NEBL: variants seen among roughly 807,000 people sequenced by gnomAD.
NEBL encodes nebulette.
In NEBL, 122 loss-of-function variants were observed where a neutral mutation model predicts 140.2. That is an observed-to-expected ratio of 0.87 (90% CI 0.75 to 1.01). The LOEUF is 1.01. NEBL is among the 50% of genes least tolerant of loss of function. NEBL has a pLI of 0.00. For synonymous variants in NEBL, 436 were observed against 398.9 expected (o/e 1.09, Z -1.11); for missense variants, 1,365 against 1,231.3 (o/e 1.11, Z -1.62).
chr10:20,927,731 G>A (rs1819396697), intron 4 of NEBL, among the ~76,000 whole-genome samples: 1 of 152,182 alleles, frequency 6.6e-6, no homozygotes, highest in Non-Finnish European at 1.5e-5. Context: ...GCCTGTGGCA[G>A]CCAGACAGCC....
At chr10:20,942,746 AAAAC>A (rs1413606821) in intron 4 of NEBL, among the ~76,000 whole-genome samples, 5 of 152,344 alleles carry the variant, frequency 3.3e-5, no homozygotes, top group African/African-American at 1.2e-4. Flanking sequence ...GTACAAGAAA[AAAAC>A]AAACAACCCC....
upstream of NEBL, among the ~76,000 whole-genome samples, chr10:21,178,828 G>A (rs1308349011): frequency 1.3e-5 from 2 of 152,150 alleles, no homozygotes; most frequent in African/African-American, 4.8e-5. Flanking sequence ...CTCGGAAAGA[G>A]GAAAAAAGAA....
At chr10:21,005,817 A>G (rs1334112736) in intron 3 of NEBL, among the ~76,000 whole-genome samples, 2 of 151,986 alleles carry the variant, frequency 1.3e-5, no homozygotes, top group African/African-American at 4.8e-5. Context: ...GATACAATGA[A>G]TTACTGACAT....
Position 20,858,237 on chromosome 10 carries a change from T to A in NEBL, c.903+3A>T, listed in dbSNP as rs1843291642. The A allele has an allele frequency of 1.3e-6, 2 of 1,593,588 alleles. No individual in the cohort carries two copies. The highest frequency in any genetic ancestry group is 3.3e-5 in the Admixed American group (2 of 59,980). On this transcript the variant is annotated splice_donor_region_variant and intron_variant, in intron 9 of 27. Coordinates refer to ENST00000377122, the MANE Select transcript of NEBL (RefSeq NM_006393.3). Reference sequence around the variant, plus strand: ...TACGGTTGCCGCTAGATGAACCACTTACGCCGCTGAGCATTTTGCTGGCTT... The same window carrying A: ...TACGGTTGCCGCTAGATGAACCACTAACGCCGCTGAGCATTTTGCTGGCTT...
intron 2 of NEBL, among the ~76,000 whole-genome samples, chr10:21,132,671 T>C (rs1187558688): frequency 6.6e-6 from 1 of 152,238 alleles, no homozygotes; most frequent in Admixed American, 6.5e-5. Context: ...TTTTTCACTA[T>C]GTCCATTCTA....
At position 20,997,180 on chromosome 10, in the gene NEBL, A is replaced by AACTC. The variant is rs554944567; in HGVS notation, c.249+22933_249+22936dup. 2.5e-3 allele frequency among the ~76,000 whole-genome samples: 381 copies of AACTC among 152,226 alleles called. 1 individual carries two copies. The highest frequency in any genetic ancestry group is 6.2e-3 in the African/African-American group (258 of 41,520). On this transcript the variant is annotated intron_variant, in intron 3 of 6. Coordinates refer to the NEBL transcript ENST00000417816. Reference sequence around the variant, plus strand: ...GCCAAACTCTTTAATCCTAATCCTGAACTCACTCACTCACTCACTCAATCC... The same window carrying AACTC: ...GCCAAACTCTTTAATCCTAATCCTGAACTCACTCACTCACTCACTCACTCAATCC...
intron 4 of NEBL, among the ~76,000 whole-genome samples, chr10:20,958,187 T>C (rs1835892897): frequency 6.6e-6 from 1 of 152,212 alleles, no homozygotes; most frequent in Admixed American, 6.5e-5. Context: ...TTTAATGCCC[T>C]TGGGCACAGT....
chr10:21,186,130 T>C (rs1841466140), intron 3 of NEBL, among the ~76,000 whole-genome samples: 2 of 152,304 alleles, frequency 1.3e-5, no homozygotes, highest in South Asian at 4.1e-4. Context: ...CTTCAGGTGA[T>C]ACTAAGGCAC....
At chr10:21,071,327 CA>C (rs1345490129) in intron 2 of NEBL, among the ~76,000 whole-genome samples, 1 of 151,796 alleles carries the variant, frequency 6.6e-6, no homozygotes, top group Non-Finnish European at 1.5e-5. Context: ...TTACCACCCA[CA>C]AAACCCAAAA....
At chr10:20,939,409 T>A (rs1289308185) in intron 4 of NEBL, among the ~76,000 whole-genome samples, 1 of 152,166 alleles carries the variant, frequency 6.6e-6, no homozygotes, top group Admixed American at 6.5e-5. Flanking sequence ...CCACCAAGCC[T>A]GCCCTAAAAG....
At position 21,158,410 on chromosome 10, in the gene NEBL, A is replaced by G. The variant is rs80087960; in HGVS notation, c.164+13973T>C. On this transcript the variant is annotated intron_variant, in intron 2 of 6. Transcript: ENST00000417816. ...GATTATCTTATTTATCCTTGCAGTA[A>G]CCAGAAGAGGTAGCAAATACTATTA... 2.2e-3 allele frequency among the ~76,000 whole-genome samples: 339 copies of G among 152,308 alleles called. 13 individuals carry two copies. The East Asian group carries it at 0.058, about 26-fold the overall frequency.
chr10:21,267,651 C>G (rs1357300079), intron 1 of NEBL, among the ~76,000 whole-genome samples: 1 of 152,126 alleles, frequency 6.6e-6, no homozygotes, highest in Admixed American at 6.5e-5. Flanking sequence ...ACAGTGTGGT[C>G]TCAATGGAAG....
intron 3 of NEBL, among the ~76,000 whole-genome samples, chr10:21,243,355 G>A (rs1163496903): frequency 6.9e-6 from 1 of 145,788 alleles, no homozygotes; most frequent in African/African-American, 2.6e-5. Flanking sequence ...CGCCTAGACT[G>A]GAGTGCAGTG....
At chr10:20,869,013 T>G (rs1167133104) in intron 6 of NEBL, among the ~76,000 whole-genome samples, 1 of 152,198 alleles carries the variant, frequency 6.6e-6, no homozygotes, top group East Asian at 1.9e-4. Context: ...ATCATCATGT[T>G]TGTAATTATA....
intron 3 of NEBL, among the ~76,000 whole-genome samples, chr10:21,210,445 T>G (rs1281872086): frequency 6.6e-6 from 1 of 152,112 alleles, no homozygotes; most frequent in Non-Finnish European, 1.5e-5. Context: ...AACTCTCCAG[T>G]CCAATACATA....
Position 20,929,818 on chromosome 10 carries a change from G to A in NEBL, c.357+31854C>T, listed in dbSNP as rs1834094798. ...AGTACAGGGTATACTAATGAGTACA[G>A]TGTATACTATTGGGGTGACAGTTAC... is the stretch of plus-strand genomic sequence containing the variant. On this transcript the variant is annotated intron_variant, in intron 4 of 6. Transcript: ENST00000417816. Among the ~76,000 whole-genome samples the A allele has an allele frequency of 2.0e-5, 3 of 152,182 alleles. 1 individual carries two copies. In the South Asian group the frequency reaches 6.2e-4, roughly 32 times the overall value.
chr10:21,090,087 T>C (rs995061418), intron 2 of NEBL, among the ~76,000 whole-genome samples: 51 of 152,272 alleles, frequency 3.3e-4, no homozygotes, highest in African/African-American at 1.2e-3. Context: ...CAAAGGCATC[T>C]TCCAGGTGCA....
chr10:20,785,503 T>G lies in NEBL; in HGVS notation c.*244A>C. The stretch of plus-strand genomic sequence containing the variant: ...TTCAATAGCCAATCAAAGGAAACCA[T>G]GAACACAATTAGCAGCACCAGGTGT... On this transcript the variant is annotated 3_prime_UTR_variant, in exon 28 of 28. Coordinates refer to ENST00000377122, the MANE Select transcript of NEBL (RefSeq NM_006393.3). The G allele has an allele frequency of 1.8e-6, 1 of 541,548 alleles. No homozygotes were observed. Among genetic ancestry groups the G allele is most frequent in the East Asian group, 3.3e-5 (1 of 30,198 alleles). The allele number at this position is 541,548 out of a possible 1,614,324, so 33.5% of individuals were successfully genotyped here.
At chr10:21,016,830 G>A (rs946099909) in intron 3 of NEBL, among the ~76,000 whole-genome samples, 24 of 152,106 alleles carry the variant, frequency 1.6e-4, no homozygotes, top group African/African-American at 5.6e-4. Flanking sequence ...CCATTACTGA[G>A]TATTACCATT....
Sources: gnomAD v4.1 joint callset for allele counts (sites outside exome capture counted in the v4.1 genomes callset) on GRCh38, gnomAD v4.1.1 for gene constraint, MANE v1.5 for transcripts, NCBI Gene and HGNC (gene_info 2026-07-23, HGNC 2026-07-21) for gene names.